NR2C2: variants seen among roughly 807,000 people sequenced by gnomAD.
NR2C2 encodes the protein Nuclear hormone receptor TR4.
A neutral mutation model predicts 62.9 loss-of-function variants in NR2C2; 6 were observed. The observed-to-expected ratio is 0.10, with a 90% CI of 0.05 to 0.19. The LOEUF is 0.19. Ranked by LOEUF, NR2C2 falls within the 10% of genes least tolerant of loss-of-function variation. The pLI, the probability that NR2C2 is intolerant of heterozygous loss-of-function variation, is 1.00. For synonymous variants in NR2C2, 272 were observed against 273.8 expected (o/e 0.99, Z 0.07); for missense variants, 479 against 762.7 (o/e 0.63, Z 4.38).
intron 11 of NR2C2, among the ~76,000 whole-genome samples, chr3:15,035,438 C>T (rs1272232124): frequency 1.3e-5 from 2 of 152,258 alleles, no homozygotes; most frequent in Non-Finnish European, 2.9e-5. Context: ...ATAATCACAG[C>T]TGATATTTTC....
intron 1 of NR2C2, among the ~76,000 whole-genome samples, chr3:14,977,552 G>A (rs542256419): frequency 6.6e-6 from 1 of 151,976 alleles, no homozygotes; most frequent in African/African-American, 2.4e-5. Flanking sequence ...ATTCTGTTTA[G>A]TTTTCTTCTT....
intron 1 of NR2C2, among the ~76,000 whole-genome samples, chr3:14,985,316 A>G (rs2040485761): frequency 6.6e-6 from 1 of 152,086 alleles, no homozygotes; most frequent in Non-Finnish European, 1.5e-5. Flanking sequence ...TTTATGAATC[A>G]TGCTTTTAAT....
At position 15,036,834 on chromosome 3, in the gene NR2C2, A is replaced by G. The variant is rs912058291; in HGVS notation, c.1373-1166A>G. On this transcript the variant is annotated intron_variant, in intron 11 of 13. Coordinates refer to ENST00000425241, the MANE Select transcript of NR2C2 (RefSeq NM_001291694.2). ...ATAAGGGTGAAGTTTAAAAGACCCT[A>G]TAACAGGCTGGGTGTGGTGGCTTAC... Among the ~76,000 whole-genome samples, 35 of 152,356 alleles carry G rather than the reference A, an allele frequency of 2.3e-4. 4 individuals are homozygous for G. The highest frequency in any genetic ancestry group is 2.1e-3 in the South Asian group (10 of 4,824).
rs2040707037 is a variant in NR2C2 at position 14,992,751 on chromosome 3, TG to T, written c.-39-11123del. The stretch of plus-strand genomic sequence containing the variant: ...GGTTACCTTTACAAAGGATGTGAAA[TG>T]GAACAGATGATTTTACCCTCTAAGT... On this transcript the variant is annotated intron_variant, in intron 1 of 13. Transcript: ENST00000425241. Among the ~76,000 whole-genome samples, 3 of 152,330 alleles carry T rather than the reference TG, an allele frequency of 2.0e-5. No individual in the cohort carries two copies. In the South Asian group the frequency reaches 6.2e-4, roughly 32 times the overall value.
intron 5 of NR2C2, among the ~76,000 whole-genome samples, chr3:15,022,866 T>G (rs541933945): frequency 6.6e-6 from 1 of 152,084 alleles, no homozygotes; most frequent in Non-Finnish European, 1.5e-5. Context: ...CTACAAAAAA[T>G]AATAAAATAA....
intron 1 of NR2C2, among the ~76,000 whole-genome samples, chr3:14,979,388 G>A (rs1339909806): frequency 1.3e-5 from 2 of 152,154 alleles, no homozygotes; most frequent in Admixed American, 6.5e-5. Context: ...TGTGTACTAG[G>A]CATTGTTATA....
intron 1 of NR2C2, among the ~76,000 whole-genome samples, chr3:14,973,407 A>T (rs897259446): frequency 1.3e-5 from 2 of 152,096 alleles, no homozygotes; most frequent in African/African-American, 4.8e-5. Flanking sequence ...TAAAAAAAAA[A>T]ATTTTTTTTA....
intron 1 of NR2C2, among the ~76,000 whole-genome samples, chr3:14,995,402 A>G (rs1028891020): frequency 1.4e-5 from 2 of 144,932 alleles, no homozygotes; most frequent in Admixed American, 6.8e-5. Flanking sequence ...CTATCTTTAT[A>G]TTTGTTCTGG....
intron 8 of NR2C2, among the ~76,000 whole-genome samples, chr3:15,029,830 T>TAGAC (rs879945657): frequency 8.0e-6 from 1 of 125,132 alleles, no homozygotes; most frequent in Non-Finnish European, 1.7e-5. Context: ...GATAGATAGA[T>TAGAC]AGATAGATAG....
At chr3:14,985,982 C>T (rs1436290642) in intron 1 of NR2C2, among the ~76,000 whole-genome samples, 1 of 152,132 alleles carries the variant, frequency 6.6e-6, no homozygotes, top group Non-Finnish European at 1.5e-5. Flanking sequence ...CACATAACTT[C>T]ATATGCAAGA....
intron 4 of NR2C2, among the ~76,000 whole-genome samples, chr3:15,018,139 T>C (rs542642274): frequency 1.3e-5 from 2 of 152,188 alleles, no homozygotes; most frequent in East Asian, 3.9e-4. Flanking sequence ...GCTGGGACTA[T>C]AGGTGTCTGC....
intron 8 of NR2C2, 28 bp from the exon 9 acceptor site, chr3:15,030,247 C>T: frequency 6.3e-7 from 1 of 1,592,336 alleles, no homozygotes; most frequent in Non-Finnish European, 8.6e-7. Flanking sequence ...AGATTCACAA[C>T]AATTACATGC....
At chr3:15,021,046 A>G (rs901371583) in intron 5 of NR2C2, 114 bp downstream of exon 5, 1 of 1,013,266 alleles carries the variant, frequency 9.9e-7, no homozygotes, top group Non-Finnish European at 1.4e-6. Context: ...AAAAATATGC[A>G]CTCAGGCTTC....
intron 11 of NR2C2, among the ~76,000 whole-genome samples, chr3:15,036,395 C>T (rs765974991): frequency 6.6e-6 from 1 of 152,204 alleles, no homozygotes; most frequent in Non-Finnish European, 1.5e-5. Flanking sequence ...CCATGTGTAG[C>T]ATGTCTGCAA....
chr3:15,032,132 T>C (rs781052557), intron 9 of NR2C2, among the ~76,000 whole-genome samples: 2 of 152,174 alleles, frequency 1.3e-5, no homozygotes, highest in Non-Finnish European at 2.9e-5. Flanking sequence ...GAGTATGTTT[T>C]TGTGGGGGTG....
chr3:14,998,343 G>A (rs539832051), intron 1 of NR2C2, among the ~76,000 whole-genome samples: 42 of 152,302 alleles, frequency 2.8e-4, no homozygotes, highest in African/African-American at 9.9e-4. Context: ...GGAACAACCA[G>A]ACTGTTTTCC....
chr3:14,972,913 A>G (rs1357501721), intron 1 of NR2C2, among the ~76,000 whole-genome samples: 1 of 152,086 alleles, frequency 6.6e-6, no homozygotes, highest in Non-Finnish European at 1.5e-5. Flanking sequence ...CACCAAGAGG[A>G]CGGTCTTAAA....
At position 15,030,353 on chromosome 3, in the gene NR2C2, C is replaced by T. The variant is rs1456384746; in HGVS notation, c.1011C>T (p.Thr337=). 5.6e-6 allele frequency: 9 copies of T among 1,613,428 alleles called. No homozygotes were observed. The highest frequency in any genetic ancestry group is 7.6e-6 in the Non-Finnish European group (9 of 1,179,822). Reference sequence around the variant, plus strand: ...CAAGCTTGGCAGATGGGATAGACACCAGTGGAGGAGGGAGCATCCACGTCA... The same window carrying T: ...CAAGCTTGGCAGATGGGATAGACACTAGTGGAGGAGGGAGCATCCACGTCA... ...SSPSLADGID[T]SGGGSIHVIS... The change falls in exon 9 of 14, where the codon ACC becomes ACT. Residue 337 remains threonine (T), a synonymous_variant. Transcript: ENST00000425241.
In NR2C2 at chr3:14,947,747, C is replaced by T. The variant is rs1716970; in HGVS notation, c.-199C>T. On this transcript the variant is annotated 5_prime_UTR_variant, in exon 1 of 14. Coordinates refer to ENST00000425241, the MANE Select transcript of NR2C2 (RefSeq NM_001291694.2). The stretch of plus-strand genomic sequence containing the variant: ...CGCCACCCCGCTCCCACCTCGGCGT[C>T]TCGTCTCTCGCCCGCTGCCCCGCGA... The T allele has an allele frequency of 6.0e-5, 9 of 149,712 alleles. No homozygotes were observed. The East Asian group carries it at 9.9e-4, about 17-fold the overall frequency. 9.3% of individuals were successfully genotyped at this position (149,712 alleles called of 1,614,324 possible). A position where few individuals can be genotyped will look rare whatever the true frequency, so the allele number is the denominator to read the frequency against.
Sources: allele counts gnomAD v4.1 joint callset (sites outside exome capture counted in the v4.1 genomes callset), GRCh38; gene constraint gnomAD v4.1.1; transcripts MANE v1.5; gene names NCBI Gene and HGNC (gene_info 2026-07-23, HGNC 2026-07-21).